Variants in ALX4 observed in about 807,000 individuals in gnomAD.
The protein encoded by ALX4 is ALX homeobox 4, also known as homeobox protein aristaless-like 4.
A neutral mutation model predicts 40.6 loss-of-function variants in ALX4; 22 were observed. That is an observed-to-expected ratio of 0.54 (90% confidence interval 0.39 to 0.77). The LOEUF (loss-of-function observed/expected upper bound fraction) is 0.77. Ranked by LOEUF, ALX4 falls within the 30% of genes least tolerant of loss-of-function variation. The pLI is 0.00. For synonymous variants in ALX4, 266 were observed against 240.5 expected, an observed-to-expected ratio of 1.11 and a Z score of -0.98; for missense variants, 556 against 564.8, an observed-to-expected ratio of 0.98 and a Z score of 0.16.
chr11:44,275,976 G>A (rs1956275830), intron 1 of ALX4, among the ~76,000 whole-genome samples: 1 of 152,160 alleles, frequency 6.6e-6, no homozygotes, highest in Non-Finnish European at 1.5e-5. Context: ...CACTGACCCT[G>A]AGCTCCTCTC....
chr11:44,283,666 C>G (rs544409329), intron 1 of ALX4, among the ~76,000 whole-genome samples: 1 of 152,234 alleles, frequency 6.6e-6, no homozygotes, highest in East Asian at 1.9e-4. Context: ...TAGATTCAAA[C>G]GATTGTCGGA....
chr11:44,297,001 C>T (rs547013332), intron 1 of ALX4, among the ~76,000 whole-genome samples: 53 of 91,382 alleles, frequency 5.8e-4, no homozygotes, highest in African/African-American at 2.3e-3. Flanking sequence ...AAGAGTGAAA[C>T]TCTGTCTCAA....
rs924752877 is a variant in ALX4, at chr11:44,288,650, C to T, written c.467-12992G>A. Among the ~76,000 whole-genome samples the T allele has an allele frequency of 2.0e-5, 3 of 152,168 alleles. No homozygotes were observed. The South Asian group carries it at 6.2e-4, about 32-fold the overall frequency. ...TGGGAGCACACATTGCTCCCCAGCC[C>T]TCTGGAAGCCCTCACTCCCGTGGAA... On this transcript the variant is annotated intron_variant, in intron 1 of 3. Coordinates refer to ENST00000652299, the MANE Select transcript of ALX4 (RefSeq NM_021926.4).
At chr11:44,294,135 G>T (rs1306376913) in intron 1 of ALX4, among the ~76,000 whole-genome samples, 1 of 152,202 alleles carries the variant, frequency 6.6e-6, no homozygotes, top group Non-Finnish European at 1.5e-5. Context: ...TTGGCTTCAG[G>T]AGATCTGGGT....
intron 1 of ALX4, 80 bp downstream of exon 1, chr11:44,309,517 C>T: frequency 6.6e-7 from 1 of 1,523,400 alleles, no homozygotes; most frequent in South Asian, 1.2e-5. Flanking sequence ...TCATACCTCC[C>T]GCAAGCCACC....
chr11:44,287,676 A>G (rs571288072), intron 1 of ALX4, among the ~76,000 whole-genome samples: 44 of 152,084 alleles, frequency 2.9e-4, no homozygotes, highest in Non-Finnish European at 5.6e-4. Context: ...TGCCTGGAGC[A>G]TGCCTACTGG....
chr11:44,306,489 T>C (rs1212398839), intron 1 of ALX4, among the ~76,000 whole-genome samples: 1 of 152,114 alleles, frequency 6.6e-6, no homozygotes, highest in Non-Finnish European at 1.5e-5. Flanking sequence ...CCTCCGAGCT[T>C]CCCCCTTTTG....
At chr11:44,291,909 C>G (rs1590699249) in intron 1 of ALX4, among the ~76,000 whole-genome samples, 1 of 152,148 alleles carries the variant, frequency 6.6e-6, no homozygotes, top group East Asian at 1.9e-4. Flanking sequence ...ACCTCTGCCC[C>G]CCAGGTTCAA....
rs1565007533 is a variant in ALX4, at chr11:44,293,165, A to AGGC, written c.466+16431_466+16432insGCC. Among the ~76,000 whole-genome samples, 24 of 18,340 alleles carry AGGC rather than the reference A, an allele frequency of 1.3e-3. 2 individuals are homozygous for AGGC. The highest frequency in any genetic ancestry group is 2.6e-3 in the Non-Finnish European group (23 of 8,832). 12.0% of individuals were successfully genotyped at this position (18,340 alleles called of 152,430 possible). On this transcript the variant is annotated intron_variant, in intron 1 of 3. Coordinates refer to ENST00000652299, the MANE Select transcript of ALX4 (RefSeq NM_021926.4). ...GAAGGAAGGAAGGAAGGAAGGAAGG[A>AGGC]AGGAAGCAGGCAGGCAGGGAGGGAG...
rs772029021 is a variant in ALX4, at chr11:44,309,922, G to C, written c.141C>G (p.Phe47Leu). 1 of 1,592,484 alleles carries C rather than the reference G, an allele frequency of 6.3e-7. No homozygotes were observed. The highest frequency in any genetic ancestry group is 2.3e-5 in the East Asian group (1 of 43,654). Reference protein sequence around the residue: ...FPGGDKFGTTFLSAAAKAQGF... With the variant: ...FPGGDKFGTTLLSAAAKAQGF... ...CCTGTGCTTTGGCGGCGGCCGACAG[G>C]AAAGTTGTGCCGAACTTGTCGCCTC... The change falls in exon 1 of 4, where the codon TTC (phenylalanine) becomes TTG (leucine). Residue 47 changes from phenylalanine (F) to leucine (L), a missense_variant. Transcript: ENST00000652299.
intron 2 of ALX4, among the ~76,000 whole-genome samples, chr11:44,270,068 A>G (rs1455186061): frequency 6.6e-6 from 1 of 151,984 alleles, no homozygotes; most frequent in Non-Finnish European, 1.5e-5. Context: ...GGAACAGAGG[A>G]TCCAGGGATG....
chr11:44,304,363 G>T (rs992400640), intron 1 of ALX4, among the ~76,000 whole-genome samples: 3 of 152,218 alleles, frequency 2.0e-5, no homozygotes, highest in South Asian at 2.1e-4. Context: ...GGTTTGGGGG[G>T]CTAAGGACGC....
chr11:44,290,104 G>A (rs1439419600), intron 1 of ALX4, among the ~76,000 whole-genome samples: 3 of 152,176 alleles, frequency 2.0e-5, no homozygotes, highest in Non-Finnish European at 4.4e-5. Flanking sequence ...TCTGCCCATT[G>A]TCCCTCTCAA....
intron 2 of ALX4, among the ~76,000 whole-genome samples, chr11:44,270,582 C>A (rs1037926333): frequency 2.0e-5 from 3 of 152,048 alleles, no homozygotes; most frequent in Non-Finnish European, 4.4e-5. Context: ...CTTGGAGTGT[C>A]CATCCATTTC....
At chr11:44,304,427 G>C (rs1367998391) in intron 1 of ALX4, among the ~76,000 whole-genome samples, 1 of 152,146 alleles carries the variant, frequency 6.6e-6, no homozygotes, top group Non-Finnish European at 1.5e-5. Context: ...TCTTCTCTCC[G>C]GCATACACTC....
At chr11:44,289,865 G>A (rs969918621) in intron 1 of ALX4, among the ~76,000 whole-genome samples, 16 of 152,254 alleles carry the variant, frequency 1.1e-4, no homozygotes, top group South Asian at 1.0e-3. Context: ...ATCTCATGGC[G>A]TGGGTGGTTG....
At chr11:44,308,776 C>T (rs944564880) in intron 1 of ALX4, among the ~76,000 whole-genome samples, 1 of 152,242 alleles carries the variant, frequency 6.6e-6, no homozygotes, top group Non-Finnish European at 1.5e-5. Flanking sequence ...TTCTCTCTTG[C>T]CACAGCTCTG....
At chr11:44,291,887 C>T (rs914561419) in intron 1 of ALX4, among the ~76,000 whole-genome samples, 2 of 152,186 alleles carry the variant, frequency 1.3e-5, no homozygotes, top group Non-Finnish European at 2.9e-5. Flanking sequence ...GATGCCATCT[C>T]GGCTAACTGC....
chr11:44,269,935 C>T (rs747455100), intron 2 of ALX4, among the ~76,000 whole-genome samples: 2 of 152,092 alleles, frequency 1.3e-5, no homozygotes, highest in African/African-American at 2.4e-5. Context: ...ACTGGAGGCA[C>T]GGAGAGAGAT....
Sources: allele counts gnomAD v4.1 joint callset (sites outside exome capture counted in the v4.1 genomes callset), GRCh38; gene constraint gnomAD v4.1.1; transcripts MANE v1.5; gene names NCBI Gene and HGNC (gene_info 2026-07-23, HGNC 2026-07-21).